The following PLEKHA7 variants were observed in gnomAD, a reference collection of about 807,000 sequenced individuals.
The protein encoded by PLEKHA7 is pleckstrin homology domain-containing family A member 7.
A neutral mutation model predicts 170.0 loss-of-function variants in PLEKHA7; 104 were observed. That is an observed-to-expected ratio of 0.61 (90% CI 0.52 to 0.72). The LOEUF is 0.72. Ranked by LOEUF, PLEKHA7 falls within the 30% of genes least tolerant of loss-of-function variation. The pLI, the probability that PLEKHA7 is intolerant of heterozygous loss-of-function variation, is 0.00. For synonymous variants in PLEKHA7, 648 were observed against 660.8 expected, an observed-to-expected ratio of 0.98 and a Z score of 0.30; for missense variants, 1,615 against 1,671.7, an observed-to-expected ratio of 0.97 and a Z score of 0.59.
intron 3 of PLEKHA7, among the ~76,000 whole-genome samples, chr11:17,004,644 C>T (rs1175261020): frequency 3.3e-5 from 5 of 152,008 alleles, no homozygotes; most frequent in Admixed American, 6.6e-5. Context: ...CTGCCCACCT[C>T]GGCCTCCCAA....
At chr11:16,795,107 C>A in intron 17 of PLEKHA7, 89 bp from the exon 18 acceptor site, 1 of 939,984 alleles carries the variant, frequency 1.1e-6, no homozygotes, top group Non-Finnish European at 1.7e-6. Context: ...CAGAGCCCCC[C>A]GCCCTGAGGG....
chr11:16,784,259 C>T (rs770782944), intron 24 of PLEKHA7, among the ~76,000 whole-genome samples: 2 of 152,218 alleles, frequency 1.3e-5, no homozygotes, highest in Admixed American at 6.5e-5. Flanking sequence ...TCCCTTGACT[C>T]TCATCTTTTC....
At chr11:16,866,329 T>C (rs998983389) in intron 4 of PLEKHA7, among the ~76,000 whole-genome samples, 9 of 151,760 alleles carry the variant, frequency 5.9e-5, no homozygotes, top group Non-Finnish European at 1.3e-4. Flanking sequence ...CAGTAGCTCA[T>C]GCCTGTAATC....
At chr11:16,902,322 A>G in intron 3 of PLEKHA7, among the ~76,000 whole-genome samples, 1 of 152,350 alleles carries the variant, frequency 6.6e-6, no homozygotes, top group East Asian at 1.9e-4. Flanking sequence ...GTTTTTGTGT[A>G]GGTGGACATG....
At chr11:16,996,131 A>T (rs1357711107) in intron 3 of PLEKHA7, among the ~76,000 whole-genome samples, 3 of 152,248 alleles carry the variant, frequency 2.0e-5, no homozygotes, top group African/African-American at 4.8e-5. Flanking sequence ...CTGGAGACTA[A>T]GTAGTTTACG....
At chr11:16,860,664 C>T (rs549793046) in intron 4 of PLEKHA7, among the ~76,000 whole-genome samples, 4 of 152,268 alleles carry the variant, frequency 2.6e-5, no homozygotes, top group East Asian at 1.9e-4. Flanking sequence ...ATAACTTATT[C>T]GAGATAGAAA....
intron 10 of PLEKHA7, among the ~76,000 whole-genome samples, chr11:16,820,311 C>T (rs1417310735): frequency 6.6e-6 from 1 of 152,208 alleles, no homozygotes; most frequent in Non-Finnish European, 1.5e-5. Context: ...TTCCTTATTA[C>T]AAAATGGGGA....
At chr11:16,856,737 G>C (rs147445187) in intron 4 of PLEKHA7, among the ~76,000 whole-genome samples, 1 of 152,264 alleles carries the variant, frequency 6.6e-6, no homozygotes, top group South Asian at 2.1e-4. Context: ...TCAAGGCAGC[G>C]GTGACAAATC....
At chr11:17,010,401 G>GAAAGAAAAAGAAAAAGAAAAGAAAGAA (rs10664000) in intron 3 of PLEKHA7, among the ~76,000 whole-genome samples, 2 of 149,262 alleles carry the variant, frequency 1.3e-5, no homozygotes, top group Non-Finnish European at 3.0e-5. Flanking sequence ...AAAAAAAAAA[G>GAAAGAAAAAGAAAAAGAAAAGAAAGAA]AAAGAAAAAG....
chr11:16,889,420 A>AAAAAAAAAAAAAAATATAT (rs61086849), intron 3 of PLEKHA7, among the ~76,000 whole-genome samples: 1 of 74,686 alleles, frequency 1.3e-5, no homozygotes, highest in Admixed American at 1.9e-4. Flanking sequence ...AAAAAAAAAA[A>AAAAAAAAAAAAAAATATAT]ATATATATAT....
chr11:16,912,546 A>C (rs1398012579), intron 3 of PLEKHA7, among the ~76,000 whole-genome samples: 1 of 152,098 alleles, frequency 6.6e-6, no homozygotes, highest in Non-Finnish European at 1.5e-5. Context: ...TTAAATGCTG[A>C]CTTCATTTCA....
chr11:16,996,606 T>C (rs1864353740), intron 3 of PLEKHA7, among the ~76,000 whole-genome samples: 1 of 152,110 alleles, frequency 6.6e-6, no homozygotes, highest in Non-Finnish European at 1.5e-5. Flanking sequence ...CAGGACTGAG[T>C]TTCCTGTGCT....
At chr11:16,812,517 T>C (rs898246593) in intron 13 of PLEKHA7, 3 of 152,230 alleles carry the variant, frequency 2.0e-5, no homozygotes, top group Non-Finnish European at 2.9e-5. Flanking sequence ...CAGGGAACAA[T>C]AGGCCTCTCT....
At chr11:16,892,619 C>CTTTTTTTTTTTTTTTTTTTT (rs10674972) in intron 3 of PLEKHA7, among the ~76,000 whole-genome samples, 3 of 82,414 alleles carry the variant, frequency 3.6e-5, no homozygotes, top group African/African-American at 5.2e-5. Flanking sequence ...CTTCCAGCTT[C>CTTTTTTTTTTTTTTTTTTTT]TTTTTTTTTT....
intron 10 of PLEKHA7, among the ~76,000 whole-genome samples, chr11:16,824,491 A>G (rs1850481347): frequency 6.6e-6 from 1 of 152,264 alleles, no homozygotes; most frequent in Admixed American, 6.5e-5. Flanking sequence ...GCATGCCTGT[A>G]TCAAAAGATC....
chr11:16,909,869 A>C (rs1369363686), intron 3 of PLEKHA7, among the ~76,000 whole-genome samples: 1 of 152,292 alleles, frequency 6.6e-6, no homozygotes, highest in African/African-American at 2.4e-5. Flanking sequence ...TTTATAATAG[A>C]TCTGACAGCC....
chr11:16,843,903 C>T (rs1367357878), intron 8 of PLEKHA7, among the ~76,000 whole-genome samples: 2 of 152,154 alleles, frequency 1.3e-5, no homozygotes, highest in African/African-American at 4.8e-5. Context: ...AACCATTGCA[C>T]TCCAGCCTGG....
intron 3 of PLEKHA7, chr11:17,013,403 A>G (rs1865438081): frequency 1.3e-5 from 2 of 152,456 alleles, no homozygotes; most frequent in African/African-American, 2.4e-5. Flanking sequence ...GCTCGAGGAA[A>G]GTCATTGGTT....
rs1237093297 is a variant in PLEKHA7, at chr11:16,906,670, C to T, written c.222-35488G>A. Among the ~76,000 whole-genome samples, 2 of 139,426 alleles carry T rather than the reference C, an allele frequency of 1.4e-5. 1 individual carries two copies. The highest frequency in any genetic ancestry group is 6.3e-5 in the African/African-American group (2 of 31,906). The allele number at this position is 139,426 out of a possible 152,430, so 91.5% of individuals were successfully genotyped here. On this transcript the variant is annotated intron_variant, in intron 3 of 26. Transcript: ENST00000531066. ...GGAGTGCAGTGGCGTGATCTCGGCT[C>T]GCTACAACCTCCACCTCCCAGCTGC...
Sources: gnomAD v4.1 joint callset for allele counts (sites outside exome capture counted in the v4.1 genomes callset) on GRCh38, gnomAD v4.1.1 for gene constraint, MANE v1.5 for transcripts, NCBI Gene and HGNC (gene_info 2026-07-23, HGNC 2026-07-21) for gene names.